The following PYGB variants were observed in gnomAD, a reference collection of about 807,000 sequenced individuals.
The protein encoded by PYGB is glycogen phosphorylase, brain form.
PYGB carries 82 observed loss-of-function variants against 94.3 expected under a neutral mutation model. The observed-to-expected ratio is 0.87, with a 90% CI of 0.73 to 1.04. PYGB has a LOEUF of 1.04. Among genes scored for constraint, PYGB ranks in the 50% least tolerant of loss-of-function variants. The pLI, the probability that PYGB is intolerant of heterozygous loss-of-function variation, is 0.00. For synonymous variants in PYGB, 488 were observed against 479.1 expected, an observed-to-expected ratio of 1.02 and a Z score of -0.24; for missense variants, 1,132 against 1,158.2, an observed-to-expected ratio of 0.98 and a Z score of 0.33.
chr20:25,292,702 G>A, intron 17 of PYGB, 89 bp downstream of exon 17: 1 of 1,463,812 alleles, frequency 6.8e-7, no homozygotes, highest in Non-Finnish European at 9.2e-7. Context: ...CTGGGCTCTT[G>A]GGGCCAGGCC....
rs570992493 is a variant in PYGB, at chr20:25,273,993, G to A, written c.529-599G>A. Among the ~76,000 whole-genome samples the A allele has an allele frequency of 1.3e-4, 20 of 152,318 alleles. 1 individual carries two copies. The South Asian group carries it at 3.1e-3, about 24-fold the overall frequency. On this transcript the variant is annotated intron_variant, in intron 4 of 19. Coordinates refer to ENST00000216962, the MANE Select transcript of PYGB (RefSeq NM_002862.4). Reference sequence around the variant, plus strand: ...TTCCCAGAGTGCTGGGACTGTAGGCGTGAGCCTCCGCCTGGCCAGTGTGTC... The same window carrying A: ...TTCCCAGAGTGCTGGGACTGTAGGCATGAGCCTCCGCCTGGCCAGTGTGTC...
Position 25,254,087 on chromosome 20 carries a change from AACT to A in PYGB, c.244-5149_244-5147del, listed in dbSNP as rs2092896289. 2.1e-5 allele frequency among the ~76,000 whole-genome samples: 3 copies of A among 142,322 alleles called. 1 individual carries two copies. In the South Asian group the frequency reaches 6.7e-4, roughly 32 times the overall value. The allele number at this position is 142,322 out of a possible 152,430, so 93.4% of individuals were successfully genotyped here. The stretch of plus-strand genomic sequence containing the variant: ...ACTCTGTCTCAAAAAAAAAAAAAAA[AACT>A]GAGTCATAGCCTTGTTGCCCCTTCA... On this transcript the variant is annotated intron_variant, in intron 1 of 19. Coordinates refer to ENST00000216962, the MANE Select transcript of PYGB (RefSeq NM_002862.4).
At chr20:25,251,775 C>CA in intron 1 of PYGB, among the ~76,000 whole-genome samples, 1 of 152,350 alleles carries the variant, frequency 6.6e-6, no homozygotes, top group Middle Eastern at 3.4e-3. Context: ...ATGTAACAAT[C>CA]AGTTTTTGAG....
rs955719315 is a variant in PYGB, at chr20:25,275,395, G to T, written c.660+672G>T. Among the ~76,000 whole-genome samples, 19 of 152,370 alleles carry T rather than the reference G, an allele frequency of 1.2e-4. No individual in the cohort carries two copies. In the East Asian group the frequency reaches 3.5e-3, roughly 28 times the overall value. ...TGTAAGCCGGGATGACTGGGGCAGG[G>T]CAGGGGCTGGCAGGAGAGGCTGCAG... On this transcript the variant is annotated intron_variant, in intron 5 of 19. Transcript: ENST00000216962.
intron 11 of PYGB, among the ~76,000 whole-genome samples, chr20:25,281,540 C>T (rs114689155): frequency 8.5e-4 from 130 of 152,374 alleles, no homozygotes; most frequent in African/African-American, 3.0e-3. Context: ...CACTCTTTCA[C>T]GTAGCATGTG....
In PYGB at chr20:25,297,468, A is replaced by C. The variant is rs2088566467; in HGVS notation, c.*946A>C. On this transcript the variant is annotated 3_prime_UTR_variant, in exon 20 of 20. Coordinates refer to ENST00000216962, the MANE Select transcript of PYGB (RefSeq NM_002862.4). ...AGGTGCATTTCCTGTTGTACACACA[A>C]GGGCCAGGCTCCATTCTCCCTCCCT... The C allele has an allele frequency of 6.6e-6, 1 of 152,364 alleles. No individual in the cohort carries two copies. Among genetic ancestry groups the C allele is most frequent in the African/African-American group, 2.4e-5 (1 of 41,426 alleles). The allele number at this position is 152,364 out of a possible 1,614,324, so 9.4% of individuals were successfully genotyped here.
At chr20:25,292,044 C>G (rs2088472275) in intron 16 of PYGB, among the ~76,000 whole-genome samples, 1 of 152,206 alleles carries the variant, frequency 6.6e-6, no homozygotes, top group African/African-American at 2.4e-5. Context: ...TGGGGCTGAT[C>G]AAGGTCGCGG....
At chr20:25,283,924 C>T (rs2088392899) in intron 13 of PYGB, among the ~76,000 whole-genome samples, 180 bp from the exon 14 acceptor site, 1 of 152,094 alleles carries the variant, frequency 6.6e-6, no homozygotes. Context: ...TTCAGCATCC[C>T]CCTCTCCCCT....
intron 18 of PYGB, chr20:25,294,717 G>T: frequency 1.6e-6 from 1 of 615,408 alleles, no homozygotes; most frequent in Non-Finnish European, 2.9e-6. Context: ...AGGCAGTGGT[G>T]AAAATGGATT....
intron 2 of PYGB, 116 bp from the exon 3 acceptor site, chr20:25,269,013 C>T: frequency 1.2e-6 from 1 of 865,302 alleles, no homozygotes; most frequent in Non-Finnish European, 1.9e-6. Context: ...TCAAGTCTAA[C>T]AGAACCCAGA....
intron 17 of PYGB, chr20:25,293,792 G>A (rs899742826): frequency 4.7e-5 from 14 of 299,136 alleles, no homozygotes; most frequent in South Asian, 2.8e-4. Context: ...CTGCCCCTCC[G>A]GCCGTCTGTT....
chr20:25,273,430 G>A (rs185201225), intron 4 of PYGB, among the ~76,000 whole-genome samples: 6 of 152,330 alleles, frequency 3.9e-5, no homozygotes, highest in Admixed American at 2.0e-4. Context: ...GACTCTTGGC[G>A]TCTGTGTAGG....
At chr20:25,292,881 G>C (rs2088483049) in intron 17 of PYGB, among the ~76,000 whole-genome samples, 1 of 151,950 alleles carries the variant, frequency 6.6e-6, no homozygotes, top group African/African-American at 2.4e-5. Context: ...TCCAGACCAG[G>C]GGCTCCTCCT....
intron 4 of PYGB, among the ~76,000 whole-genome samples, chr20:25,272,359 T>C (rs2123551926): frequency 1.3e-5 from 2 of 152,290 alleles, no homozygotes; most frequent in South Asian, 4.1e-4. Flanking sequence ...AGGTGCAGCC[T>C]CCAGGGCTCG....
At chr20:25,287,516 G>A (rs1170631007) in intron 14 of PYGB, among the ~76,000 whole-genome samples, 1 of 152,166 alleles carries the variant, frequency 6.6e-6, no homozygotes, top group Non-Finnish European at 1.5e-5. Flanking sequence ...GTGGTAACCT[G>A]TCGGTGCCTG....
intron 1 of PYGB, among the ~76,000 whole-genome samples, chr20:25,256,174 C>T (rs2092902137): frequency 6.6e-6 from 1 of 152,140 alleles, no homozygotes; most frequent in Admixed American, 6.5e-5. Flanking sequence ...TCCACAGGCC[C>T]AATTCTGTGA....
intron 18 of PYGB, chr20:25,295,058 T>C: frequency 6.2e-7 from 1 of 1,610,680 alleles, no homozygotes; most frequent in Non-Finnish European, 8.5e-7. Context: ...CTTTTAAAAT[T>C]GTGAACTCTG....
rs746883478 is a variant in PYGB at position 25,271,427 on chromosome 20, G to A, written c.469G>A (p.Gly157Ser). ...GGCTACCTTGGGCCTGGCAGCATAC[G>A]GCTATGGAATCCGCTATGAATTTGG... ...SMATLGLAAY[G>S]YGIRYEFGIF... is the part of the protein sequence containing the mutation. Residue 157 changes from glycine (G) to serine (S), a missense_variant, in exon 4 of 20, where the codon GGC (glycine) becomes AGC (serine). Transcript: ENST00000216962. 1.9e-6 allele frequency: 3 copies of A among 1,614,182 alleles called. No homozygotes were observed. Among genetic ancestry groups the A allele is most frequent in the African/African-American group, 1.3e-5 (1 of 75,036 alleles).
chr20:25,290,350 C>T lies in PYGB; in HGVS notation c.1828-131C>T, dbSNP rs997006457. 7.2e-6 allele frequency: 9 copies of T among 1,245,386 alleles called. No individual in the cohort carries two copies. The African/African-American group carries it at 1.0e-4, about 14-fold the overall frequency. The allele number at this position is 1,245,386 out of a possible 1,614,324, so 77.1% of individuals were successfully genotyped here. ...GGGCCGGGGAGCCTCCCTAGCTCCTCTACTGACCGTCCCGACGGCAGGTTC... is the reference window on the plus strand; with the variant it reads ...GGGCCGGGGAGCCTCCCTAGCTCCTTTACTGACCGTCCCGACGGCAGGTTC... On this transcript the variant is annotated intron_variant, in intron 15 of 19. Transcript: ENST00000216962.
Sources: gnomAD v4.1 joint callset for allele counts (sites outside exome capture counted in the v4.1 genomes callset) on GRCh38, gnomAD v4.1.1 for gene constraint, MANE v1.5 for transcripts, NCBI Gene and HGNC (gene_info 2026-07-23, HGNC 2026-07-21) for gene names.